The following ADAMTS19 variants were observed in gnomAD, a reference collection of about 807,000 sequenced individuals.
ADAMTS19 encodes the protein A disintegrin and metalloproteinase with thrombospondin motifs 19.
A neutral mutation model predicts 153.3 loss-of-function variants in ADAMTS19; 93 were observed. That is an observed-to-expected ratio of 0.61 (90% CI 0.51 to 0.72). The LOEUF is 0.72. Among genes scored for constraint, ADAMTS19 ranks in the 30% least tolerant of loss-of-function variants. The pLI is 0.00. For missense variants in ADAMTS19, 1,482 were observed against 1,552.1 expected (o/e 0.95, Z 0.76); for synonymous variants, 600 against 556.6 (o/e 1.08, Z -1.10).
At chr5:129,584,755 G>A (rs1382417629) in intron 7 of ADAMTS19, among the ~76,000 whole-genome samples, 4 of 152,154 alleles carry the variant, frequency 2.6e-5, no homozygotes, top group Non-Finnish European at 5.9e-5. Context: ...CCTCCACCAA[G>A]CTTGACCATC....
rs1299844245 is a variant in ADAMTS19, at chr5:129,525,728, A to C, written c.914-556A>C. On this transcript the variant is annotated intron_variant, in intron 3 of 22. Transcript: ENST00000274487. Reference sequence around the variant, plus strand: ...TTCTGCTCTGATTTGGCTTCATTTGAGGAATCTATATTCCCAAGCAGTTAT... The same window carrying C: ...TTCTGCTCTGATTTGGCTTCATTTGCGGAATCTATATTCCCAAGCAGTTAT... Among the ~76,000 whole-genome samples the C allele has an allele frequency of 3.3e-5, 5 of 151,980 alleles. 1 individual carries two copies.
chr5:129,524,264 A>G (rs1396812638), intron 3 of ADAMTS19, among the ~76,000 whole-genome samples: 1 of 152,116 alleles, frequency 6.6e-6, no homozygotes, highest in Admixed American at 6.6e-5. Flanking sequence ...CGCAGAAAAC[A>G]GAAACTGGAC....
At chr5:129,669,026 G>A (rs1754179780) in intron 16 of ADAMTS19, among the ~76,000 whole-genome samples, 1 of 151,682 alleles carries the variant, frequency 6.6e-6, no homozygotes, top group Admixed American at 6.6e-5. Flanking sequence ...GTACGATCCT[G>A]GCATAAAGAC....
chr5:129,630,365 T>C (rs1188843124), intron 10 of ADAMTS19, among the ~76,000 whole-genome samples: 1 of 152,028 alleles, frequency 6.6e-6, no homozygotes, highest in Admixed American at 6.6e-5. Context: ...ATTTAAGACT[T>C]ACAAAGCTGC....
At chr5:129,578,075 CACACATATATACATATACAT>C (rs1282797934) in intron 7 of ADAMTS19, among the ~76,000 whole-genome samples, 8 of 128,896 alleles carry the variant, frequency 6.2e-5, no homozygotes, top group Non-Finnish European at 1.4e-4. Flanking sequence ...CACACACACA[CACACATATATACATATACAT>C]ACATATACAT....
intron 7 of ADAMTS19, among the ~76,000 whole-genome samples, chr5:129,572,543 A>T (rs1469704473): frequency 6.6e-6 from 1 of 152,030 alleles, no homozygotes; most frequent in Non-Finnish European, 1.5e-5. Context: ...AGGTGAATGG[A>T]TAAACAATCT....
intron 8 of ADAMTS19, among the ~76,000 whole-genome samples, chr5:129,618,539 A>G (rs548985789): frequency 1.8e-4 from 28 of 152,042 alleles, no homozygotes; most frequent in Non-Finnish European, 3.2e-4. Flanking sequence ...AATTTTAACA[A>G]TTTTGATTCA....
At chr5:129,580,768 T>A (rs1749474100) in intron 7 of ADAMTS19, among the ~76,000 whole-genome samples, 1 of 152,192 alleles carries the variant, frequency 6.6e-6, no homozygotes, top group Non-Finnish European at 1.5e-5. Flanking sequence ...CAGCCTTGTA[T>A]CCCAGGGGTG....
intron 7 of ADAMTS19, among the ~76,000 whole-genome samples, chr5:129,567,867 A>G (rs1753768793): frequency 6.6e-6 from 1 of 152,150 alleles, no homozygotes; most frequent in Admixed American, 6.5e-5. Context: ...AGCTGGAGAC[A>G]TCATAATCAA....
chr5:129,497,911 G>GA (rs1041950443), intron 2 of ADAMTS19, among the ~76,000 whole-genome samples: 43 of 151,930 alleles, frequency 2.8e-4, no homozygotes, highest in African/African-American at 1.0e-3. Context: ...TCTGTTTTCT[G>GA]AAAAAAAGCA....
intron 8 of ADAMTS19, among the ~76,000 whole-genome samples, chr5:129,612,543 A>T (rs1751283264): frequency 6.6e-6 from 1 of 152,170 alleles, no homozygotes; most frequent in Non-Finnish European, 1.5e-5. Context: ...AGGAAGCACT[A>T]AACATGGAAA....
chr5:129,486,330 T>C (rs1224367193), intron 2 of ADAMTS19, among the ~76,000 whole-genome samples: 1 of 152,018 alleles, frequency 6.6e-6, no homozygotes, highest in East Asian at 1.9e-4. Context: ...GACACTAAAA[T>C]CCTTAACAAA....
Position 129,620,737 on chromosome 5 carries a change from A to G in ADAMTS19, c.1598A>G (p.Glu533Gly), listed in dbSNP as rs1356765606. 6.2e-7 allele frequency: 1 copy of G among 1,612,684 alleles called. No homozygotes were observed. The highest frequency in any genetic ancestry group is 8.5e-7 in the Non-Finnish European group (1 of 1,179,120). Residue 533 changes from glutamate (E) to glycine (G), a missense_variant, in exon 9 of 23, where the codon GAA (glutamate) becomes GGA (glycine). Coordinates refer to ENST00000274487, the MANE Select transcript of ADAMTS19 (RefSeq NM_133638.6). ...GDVSWSRCSK[E>G]DLERFLRSKA... Reference sequence around the variant, plus strand: ...GTTTCATGGTCTCGATGTAGCAAGGAAGATTTGGAAAGATTTCTCAGGTAT... The same window carrying G: ...GTTTCATGGTCTCGATGTAGCAAGGGAGATTTGGAAAGATTTCTCAGGTAT...
Position 129,670,195 on chromosome 5 carries a change from T to A in ADAMTS19, c.2506+4616T>A, listed in dbSNP as rs146535259. On this transcript the variant is annotated intron_variant, in intron 16 of 22. Transcript: ENST00000274487. The stretch of plus-strand genomic sequence containing the variant: ...GTCCTGCTTTATTTTCTGTATTGCA[T>A]ATCCTTGTCTGAATTTTTTATTTGT... Among the ~76,000 whole-genome samples, 695 of 152,312 alleles carry A rather than the reference T, an allele frequency of 4.6e-3. 8 individuals carry two copies. The highest frequency in any genetic ancestry group is 0.016 in the African/African-American group (646 of 41,586).
intron 3 of ADAMTS19, among the ~76,000 whole-genome samples, chr5:129,517,830 A>G (rs892955038): frequency 2.0e-5 from 3 of 151,558 alleles, no homozygotes; most frequent in African/African-American, 4.8e-5. Flanking sequence ...CCATTTTGTT[A>G]TTTGTTTTCT....
At chr5:129,670,769 A>G (rs1172006752) in intron 16 of ADAMTS19, among the ~76,000 whole-genome samples, 1 of 152,206 alleles carries the variant, frequency 6.6e-6, no homozygotes, top group African/African-American at 2.4e-5. Context: ...GGTATAAATC[A>G]TGAAATGACT....
intron 6 of ADAMTS19, among the ~76,000 whole-genome samples, chr5:129,533,988 T>C (rs375559515): frequency 2.0e-5 from 3 of 152,136 alleles, no homozygotes; most frequent in Non-Finnish European, 4.4e-5. Flanking sequence ...TGTTCTTTTA[T>C]ATTTGCTGAG....
At chr5:129,581,291 TG>T (rs1183198901) in intron 7 of ADAMTS19, among the ~76,000 whole-genome samples, 3 of 151,996 alleles carry the variant, frequency 2.0e-5, no homozygotes, top group African/African-American at 7.3e-5. Flanking sequence ...TTGCTATTGC[TG>T]TATTCAGGGA....
chr5:129,603,264 G>T (rs529757099), intron 8 of ADAMTS19, among the ~76,000 whole-genome samples: 1 of 152,234 alleles, frequency 6.6e-6, no homozygotes, highest in Admixed American at 6.5e-5. Flanking sequence ...CGTGTGAGTT[G>T]CCAGAAAGCC....
Sources: allele counts gnomAD v4.1 joint callset (sites outside exome capture counted in the v4.1 genomes callset), GRCh38; gene constraint gnomAD v4.1.1; transcripts MANE v1.5; gene names NCBI Gene and HGNC (gene_info 2026-07-23, HGNC 2026-07-21).